Variants in CDH22 observed in about 807,000 individuals in gnomAD.
CDH22 encodes the protein cadherin-22.
In CDH22, 30 loss-of-function variants were observed where a neutral mutation model predicts 58.4. The observed-to-expected ratio is 0.51, with a 90% CI of 0.38 to 0.70. CDH22 has a LOEUF of 0.70. CDH22 is among the 30% of genes least tolerant of loss of function. The pLI is 0.00. For synonymous variants in CDH22, 513 were observed against 558.2 expected (o/e 0.92, Z 1.14); for missense variants, 1,014 against 1,233.9 (o/e 0.82, Z 2.67).
At chr20:46,231,030 C>A in intron 3 of CDH22, among the ~76,000 whole-genome samples, 1 of 152,146 alleles carries the variant, frequency 6.6e-6, no homozygotes. Context: ...AGCAGGGGGG[C>A]AGAGGAGGGG....
At chr20:46,260,517 C>T (rs1207451485) in intron 1 of CDH22, among the ~76,000 whole-genome samples, 4 of 152,332 alleles carry the variant, frequency 2.6e-5, no homozygotes, top group African/African-American at 9.6e-5. Context: ...ATCCCTTTCC[C>T]CGTTCCCACA....
At chr20:46,288,127 G>A (rs944407247) in intron 1 of CDH22, among the ~76,000 whole-genome samples, 1 of 152,144 alleles carries the variant, frequency 6.6e-6, no homozygotes, top group Non-Finnish European at 1.5e-5. Flanking sequence ...CCCAATGTGT[G>A]GAGGCCTGTG....
intron 4 of CDH22, among the ~76,000 whole-genome samples, chr20:46,217,757 ACT>A (rs2086096025): frequency 6.6e-6 from 1 of 151,716 alleles, no homozygotes; most frequent in Admixed American, 6.6e-5. Flanking sequence ...AAACAGATAC[ACT>A]CTCAAATACA....
At position 46,261,760 on chromosome 20, in the gene CDH22, C is replaced by A. The variant is rs1434287865; in HGVS notation, c.-399-10067G>T. ...TCTCCCTGGGGGAAAATTATTTCTA[C>A]CAGCTCAGTGCTCTCCTTTTGGGCC... is the stretch of plus-strand genomic sequence containing the variant. On this transcript the variant is annotated intron_variant, in intron 1 of 11. Coordinates refer to ENST00000537909, the MANE Select transcript of CDH22 (RefSeq NM_021248.3). Among the ~76,000 whole-genome samples the A allele has an allele frequency of 3.3e-5, 5 of 152,122 alleles. No homozygotes were observed. The East Asian group carries it at 9.6e-4, about 29-fold the overall frequency.
intron 1 of CDH22, among the ~76,000 whole-genome samples, chr20:46,304,999 C>A (rs1441030117): frequency 6.6e-6 from 1 of 152,206 alleles, no homozygotes; most frequent in African/African-American, 2.4e-5. Flanking sequence ...TCTCCTCCTG[C>A]ATTAAATGCC....
chr20:46,220,425 T>A (rs1346443430), intron 4 of CDH22: 1 of 152,678 alleles, frequency 6.5e-6, no homozygotes, highest in Non-Finnish European at 1.5e-5. Context: ...CAGGTAGGCT[T>A]ACAGTGCAGC....
At chr20:46,276,751 A>G (rs2086519935) in intron 1 of CDH22, among the ~76,000 whole-genome samples, 1 of 152,202 alleles carries the variant, frequency 6.6e-6, no homozygotes, top group African/African-American at 2.4e-5. Flanking sequence ...CAGTGGAGCT[A>G]TCTGGGGAGA....
At chr20:46,303,037 C>T (rs2086659052) in intron 1 of CDH22, among the ~76,000 whole-genome samples, 1 of 152,182 alleles carries the variant, frequency 6.6e-6, no homozygotes, top group Admixed American at 6.5e-5. Context: ...TCTCCACGCG[C>T]CACTCCCCTG....
chr20:46,221,461 G>A (rs1226978141), intron 4 of CDH22, among the ~76,000 whole-genome samples: 2 of 152,194 alleles, frequency 1.3e-5, no homozygotes, highest in African/African-American at 2.4e-5. Context: ...GGCTGTCGGC[G>A]GGGACACATT....
intron 2 of CDH22, among the ~76,000 whole-genome samples, chr20:46,244,099 C>A (rs900880226): frequency 1.3e-5 from 2 of 152,202 alleles, no homozygotes; most frequent in African/African-American, 4.8e-5. Flanking sequence ...TTGACCTAAG[C>A]ACTCTGTTAA....
chr20:46,181,745 TTCCTTCC>T (rs1379531221), intron 10 of CDH22, among the ~76,000 whole-genome samples: 4 of 95,500 alleles, frequency 4.2e-5, no homozygotes, highest in Non-Finnish European at 8.7e-5. Flanking sequence ...CCTTCCTTCC[TTCCTTCC>T]TTCTTTCTTT....
chr20:46,211,340 G>A (rs1363187202), intron 6 of CDH22, among the ~76,000 whole-genome samples: 1 of 152,206 alleles, frequency 6.6e-6, no homozygotes, highest in Non-Finnish European at 1.5e-5. Flanking sequence ...CTCACAGGCA[G>A]GTGCCTACCC....
At position 46,251,502 on chromosome 20, in the gene CDH22, G is replaced by T. The variant is rs1285579173; in HGVS notation, c.-208C>A. ...ACCCGGCTGGAGGGGGAGGGGGCGC[G>T]GCCGCATCCGGGGCATGGACAGCCC... On this transcript the variant is annotated 5_prime_UTR_variant, in exon 2 of 12. Transcript: ENST00000537909. The surrounding 1 kb of genome is among the most constrained non-coding windows in gnomAD (Gnocchi z 6.7). The T allele has an allele frequency of 2.3e-6, 1 of 437,588 alleles. No individual in the cohort carries two copies. Among genetic ancestry groups the T allele is most frequent in the Non-Finnish European group, 3.7e-6 (1 of 270,722 alleles). 27.1% of individuals were successfully genotyped at this position (437,588 alleles called of 1,614,324 possible).
At position 46,174,473 on chromosome 20, in the gene CDH22, T is replaced by G; in HGVS notation, c.*33A>C. 7.2e-7 allele frequency: 1 copy of G among 1,392,100 alleles called. No homozygotes were observed. The highest frequency in any genetic ancestry group is 1.5e-5 in the South Asian group (1 of 67,652). 86.2% of individuals were successfully genotyped at this position (1,392,100 alleles called of 1,614,324 possible). A position where few individuals can be genotyped will look rare whatever the true frequency, so the allele number is the denominator to read the frequency against. Reference sequence around the variant, plus strand: ...GGGGCCCCGGCGTGTGCTGGGCGGGTGAGCAGCCGCGCCCCGACGGCAGGG... The same window carrying G: ...GGGGCCCCGGCGTGTGCTGGGCGGGGGAGCAGCCGCGCCCCGACGGCAGGG... On this transcript the variant is annotated 3_prime_UTR_variant, in exon 12 of 12. Coordinates refer to ENST00000537909, the MANE Select transcript of CDH22 (RefSeq NM_021248.3). The surrounding 1 kb of genome is among the most constrained non-coding windows in gnomAD (Gnocchi z 4.4).
intron 1 of CDH22, among the ~76,000 whole-genome samples, chr20:46,284,177 C>T (rs558083043): frequency 7.3e-5 from 11 of 151,670 alleles, no homozygotes; most frequent in East Asian, 1.9e-4. Context: ...CCGGGTCTGA[C>T]GCACAGACCC....
At chr20:46,273,754 A>G (rs1193816617) in intron 1 of CDH22, among the ~76,000 whole-genome samples, 1 of 152,230 alleles carries the variant, frequency 6.6e-6, no homozygotes. Flanking sequence ...CAGATGAGCC[A>G]CCGGGTTGTG....
chr20:46,269,637 C>T (rs1319454267), intron 1 of CDH22, among the ~76,000 whole-genome samples: 1 of 152,206 alleles, frequency 6.6e-6, no homozygotes, highest in Non-Finnish European at 1.5e-5. Flanking sequence ...CACCGTGCAC[C>T]CTCTCTCCAT....
intron 1 of CDH22, among the ~76,000 whole-genome samples, chr20:46,293,224 A>G (rs545381819): frequency 2.0e-5 from 3 of 152,282 alleles, no homozygotes; most frequent in African/African-American, 7.2e-5. Flanking sequence ...CTGTTGCCTC[A>G]GCCACCCACA....
chr20:46,243,876 C>T (rs966720393), intron 2 of CDH22, among the ~76,000 whole-genome samples: 5 of 152,196 alleles, frequency 3.3e-5, no homozygotes, highest in Non-Finnish European at 4.4e-5. Flanking sequence ...TCCCATTTCT[C>T]AGGTTAGAAA....
Sources: allele counts gnomAD v4.1 joint callset (sites outside exome capture counted in the v4.1 genomes callset), GRCh38; gene constraint gnomAD v4.1.1; non-coding constraint Gnocchi (gnomAD v3.1); transcripts MANE v1.5; gene names NCBI Gene and HGNC (gene_info 2026-07-23, HGNC 2026-07-21).